COL14A1: variants seen among roughly 807,000 people sequenced by gnomAD.
The protein encoded by COL14A1 is collagen alpha-1(XIV) chain.
In COL14A1, 136 loss-of-function variants were observed where a neutral mutation model predicts 230.3. The observed-to-expected ratio is 0.59, with a 90% CI of 0.51 to 0.68. The LOEUF is 0.68. Among genes scored for constraint, COL14A1 ranks in the 30% least tolerant of loss-of-function variants. The pLI is 0.00. For missense variants in COL14A1, 1,976 were observed against 2,215.8 expected, an observed-to-expected ratio of 0.89 and a Z score of 2.17; for synonymous variants, 792 against 784.1, an observed-to-expected ratio of 1.01 and a Z score of -0.17.
At chr8:120,315,426 T>A (rs1821187063) in intron 38 of COL14A1, 107 bp from the exon 39 acceptor site, 5 of 733,560 alleles carry the variant, frequency 6.8e-6, no homozygotes, top group Non-Finnish European at 9.1e-6. Context: ...TAGATGTTAG[T>A]GCAAACGCGA....
At chr8:120,194,075 C>T (rs199746164) in intron 5 of COL14A1, among the ~76,000 whole-genome samples, 22 of 152,164 alleles carry the variant, frequency 1.4e-4, no homozygotes, top group South Asian at 4.2e-4. Flanking sequence ...GCCCACTGTC[C>T]GGCACTCCCT....
intron 40 of COL14A1, among the ~76,000 whole-genome samples, chr8:120,325,115 A>G (rs6651221): frequency 0.041 from 6,253 of 152,312 alleles, 420 homozygotes; most frequent in African/African-American, 0.14. Context: ...AATATTAGTG[A>G]TTTTGAAAGC....
At chr8:120,316,492 C>T (rs150161497) in intron 40 of COL14A1, among the ~76,000 whole-genome samples, 15 of 152,224 alleles carry the variant, frequency 9.9e-5, no homozygotes, top group Admixed American at 2.0e-4. Flanking sequence ...GAAAGGGATA[C>T]GCTAACATCT....
chr8:120,339,738 T>TA (rs912143477), intron 42 of COL14A1, among the ~76,000 whole-genome samples: 12 of 146,834 alleles, frequency 8.2e-5, no homozygotes, highest in African/African-American at 7.5e-5. Flanking sequence ...ACATCATGTT[T>TA]AAAAAAAAAA....
chr8:120,215,797 G>A (rs1817733463), intron 13 of COL14A1, among the ~76,000 whole-genome samples: 1 of 152,180 alleles, frequency 6.6e-6, no homozygotes, highest in South Asian at 2.1e-4. Flanking sequence ...GGGAAGGATA[G>A]AGTTTCCATT....
Position 120,164,462 on chromosome 8 carries a change from G to C in COL14A1, c.349+1893G>C, listed in dbSNP as rs185171429. On this transcript the variant is annotated intron_variant, in intron 4 of 47. Transcript: ENST00000297848. ...TGGTAATATTTTGTGAGACTTATAG[G>C]CTGGTGCAAAAGTAATTGCAGTTTT... is the stretch of plus-strand genomic sequence containing the variant. Among the ~76,000 whole-genome samples the C allele has an allele frequency of 6.2e-3, 935 of 151,856 alleles. 5 individuals carry two copies. The highest frequency in any genetic ancestry group is 0.011 in the Non-Finnish European group (735 of 67,938).
chr8:120,264,498 CT>C (rs2129780072), intron 24 of COL14A1, among the ~76,000 whole-genome samples: 1 of 152,264 alleles, frequency 6.6e-6, no homozygotes, highest in African/African-American at 2.4e-5. Context: ...TACCTACTCT[CT>C]TGCCTCAAGT....
In COL14A1 at chr8:120,216,475, G is replaced by A; in HGVS notation, c.1722G>A (p.Gly574=). ...GYRIVYNNAD[G]TEINEVEVDP... is the part of the protein sequence containing the mutation. ...GAATTGTATATAACAATGCAGATGGGACTGAAATCAATGAGGTAAGTTCCG... is the reference window on the plus strand; with the variant it reads ...GAATTGTATATAACAATGCAGATGGAACTGAAATCAATGAGGTAAGTTCCG... The change falls in exon 14 of 48, where the codon GGG becomes GGA. Residue 574 remains glycine, a synonymous_variant. Coordinates refer to ENST00000297848, the MANE Select transcript of COL14A1 (RefSeq NM_021110.4). 6.2e-7 allele frequency: 1 copy of A among 1,608,632 alleles called. No individual in the cohort carries two copies. The highest frequency in any genetic ancestry group is 8.5e-7 in the Non-Finnish European group (1 of 1,178,588).
chr8:120,367,238 T>A lies in COL14A1; in HGVS notation c.5145T>A (p.Pro1715=), dbSNP rs765509338. Residue 1715 remains proline (P), a synonymous_variant, in exon 46 of 48, where the codon CCT becomes CCA. Coordinates refer to ENST00000297848, the MANE Select transcript of COL14A1 (RefSeq NM_021110.4). ...GVGTQGPRGP[P]GPAGPSGESR... is the part of the protein sequence containing the mutation. The stretch of plus-strand genomic sequence containing the variant: ...GAACCCAAGGTCCAAGAGGCCCCCC[T>A]GGACCAGCAGGTAAATCTTCCTTCC... 1 of 1,610,280 alleles carries A rather than the reference T, an allele frequency of 6.2e-7. No individual in the cohort carries two copies. Among genetic ancestry groups the A allele is most frequent in the Non-Finnish European group, 8.5e-7 (1 of 1,178,828 alleles).
chr8:120,163,424 G>A (rs1815758571), intron 4 of COL14A1, among the ~76,000 whole-genome samples: 1 of 152,168 alleles, frequency 6.6e-6, no homozygotes, highest in Admixed American at 6.5e-5. Flanking sequence ...TCCAATCAAT[G>A]TCCACACAGT....
intron 5 of COL14A1, among the ~76,000 whole-genome samples, chr8:120,185,348 C>T (rs1301420067): frequency 1.3e-5 from 2 of 152,102 alleles, no homozygotes; most frequent in Non-Finnish European, 2.9e-5. Context: ...TTGGACAAAA[C>T]ATTTAGAAGA....
At chr8:120,162,276 A>G in intron 3 of COL14A1, 150 bp from the exon 4 acceptor site, 1 of 555,096 alleles carries the variant, frequency 1.8e-6, no homozygotes, top group Non-Finnish European at 3.0e-6. Context: ...TGTACACTCT[A>G]AATATATACA....
chr8:120,212,662 T>C, intron 13 of COL14A1, 85 bp downstream of exon 13: 2 of 1,461,616 alleles, frequency 1.4e-6, no homozygotes, highest in South Asian at 1.2e-5. Context: ...ACTAGTTTTG[T>C]TGAAACCTCT....
intron 14 of COL14A1, among the ~76,000 whole-genome samples, chr8:120,223,007 G>A (rs1469566906): frequency 6.6e-6 from 1 of 152,172 alleles, no homozygotes; most frequent in Non-Finnish European, 1.5e-5. Context: ...CATGATAGAG[G>A]AAGAAGGCCT....
intron 40 of COL14A1, 88 bp from the exon 41 acceptor site, chr8:120,332,053 C>T (rs149412429): frequency 8.9e-7 from 1 of 1,117,780 alleles, no homozygotes; most frequent in Non-Finnish European, 1.4e-6. Flanking sequence ...AGGACTTGAC[C>T]CCCAAACATG....
upstream of COL14A1, among the ~76,000 whole-genome samples, chr8:120,124,588 G>A (rs1013742165): frequency 6.6e-6 from 1 of 152,204 alleles, no homozygotes; most frequent in African/African-American, 2.4e-5. Flanking sequence ...TAAAGTTTGA[G>A]CATCGCTGCT....
intron 19 of COL14A1, among the ~76,000 whole-genome samples, chr8:120,238,600 T>A (rs1448579192): frequency 1.3e-5 from 2 of 152,168 alleles, no homozygotes; most frequent in African/African-American, 4.8e-5. Flanking sequence ...TTCAGCCCCC[T>A]TTCCAGGGGA....
At chr8:120,194,272 A>G (rs1563664019) in intron 5 of COL14A1, among the ~76,000 whole-genome samples, 1 of 152,322 alleles carries the variant, frequency 6.6e-6, no homozygotes, top group East Asian at 1.9e-4. Context: ...TGCTTAAATT[A>G]TGTGACATAA....
chr8:120,267,020 T>C (rs1426514413), intron 25 of COL14A1, 137 bp downstream of exon 25: 16 of 714,770 alleles, frequency 2.2e-5, no homozygotes, highest in Non-Finnish European at 3.8e-5. Flanking sequence ...TACAAATGCT[T>C]ATCAACCATG....
Sources: gnomAD v4.1 joint callset for allele counts (sites outside exome capture counted in the v4.1 genomes callset) on GRCh38, gnomAD v4.1.1 for gene constraint, MANE v1.5 for transcripts, NCBI Gene and HGNC (gene_info 2026-07-23, HGNC 2026-07-21) for gene names.